The following TRPS1 variants were observed in gnomAD, a reference collection of about 807,000 sequenced individuals.
TRPS1 encodes the protein zinc finger transcription factor Trps1.
In TRPS1, 6 loss-of-function variants were observed where a neutral mutation model predicts 101.2. The observed-to-expected ratio is 0.06, with a 90% CI of 0.03 to 0.12. TRPS1 has a LOEUF of 0.12. TRPS1 is among the 10% of genes least tolerant of loss of function. TRPS1 has a pLI of 1.00. For missense variants in TRPS1, 1,363 were observed against 1,567.0 expected (o/e 0.87, Z 2.20); for synonymous variants, 578 against 589.8 (o/e 0.98, Z 0.29).
At chr8:115,513,185 A>G (rs1356615191) in intron 5 of TRPS1, among the ~76,000 whole-genome samples, 1 of 151,804 alleles carries the variant, frequency 6.6e-6, no homozygotes, top group Admixed American at 6.6e-5. Context: ...TGTAAATATA[A>G]TGTAACTAAC....
chr8:115,425,240 T>A (rs800891), intron 5 of TRPS1, among the ~76,000 whole-genome samples: 123,804 of 152,178 alleles, frequency 0.81, 50,675 homozygotes, highest in African/African-American at 0.9. Flanking sequence ...TGGGCTGTAC[T>A]GCATGTCTTT....
At chr8:115,522,143 G>T (rs570706867) in intron 5 of TRPS1, among the ~76,000 whole-genome samples, 233 of 152,010 alleles carry the variant, frequency 1.5e-3, no homozygotes, top group Non-Finnish European at 2.8e-3. Flanking sequence ...GTAAGATAGG[G>T]TATTGACAAA....
At chr8:115,646,774 T>C (rs151306277) in intron 1 of TRPS1, among the ~76,000 whole-genome samples, 337 of 152,342 alleles carry the variant, frequency 2.2e-3, no homozygotes, top group African/African-American at 7.7e-3. Flanking sequence ...GTATTATTTT[T>C]ATCATAAGGT....
chr8:115,525,708 T>C (rs978142361), intron 5 of TRPS1, among the ~76,000 whole-genome samples: 1 of 152,190 alleles, frequency 6.6e-6, no homozygotes, highest in Admixed American at 6.6e-5. Flanking sequence ...TTTTATATTG[T>C]CTTCACAGCT....
intron 1 of TRPS1, among the ~76,000 whole-genome samples, chr8:115,660,265 G>A (rs2130627143): frequency 6.6e-6 from 1 of 152,090 alleles, no homozygotes; most frequent in Admixed American, 6.6e-5. Flanking sequence ...TATTATTAAT[G>A]TTTATTGATT....
chr8:115,488,916 A>C (rs1403507825), intron 5 of TRPS1, among the ~76,000 whole-genome samples: 1 of 152,198 alleles, frequency 6.6e-6, no homozygotes, highest in Non-Finnish European at 1.5e-5. Context: ...CAATACTTTC[A>C]AAACGTTCTC....
chr8:115,597,664 T>C (rs1016866033), intron 4 of TRPS1, among the ~76,000 whole-genome samples: 3 of 152,114 alleles, frequency 2.0e-5, no homozygotes, highest in African/African-American at 7.2e-5. Flanking sequence ...TAAAACTTTA[T>C]CATTGTGAGT....
At chr8:115,452,946 C>CAAATCAAATCA (rs1813914860) in intron 5 of TRPS1, among the ~76,000 whole-genome samples, 1 of 151,944 alleles carries the variant, frequency 6.6e-6, no homozygotes, top group Non-Finnish European at 1.5e-5. Context: ...TAATATCAAA[C>CAAATCAAATCA]AGAGCAAAAT....
At chr8:115,524,151 A>G (rs1361591341) in intron 5 of TRPS1, among the ~76,000 whole-genome samples, 1 of 152,034 alleles carries the variant, frequency 6.6e-6, no homozygotes, top group Non-Finnish European at 1.5e-5. Flanking sequence ...TTACTTCCCC[A>G]TCTAGATGCT....
intron 6 of TRPS1, among the ~76,000 whole-genome samples, chr8:115,417,511 A>T (rs1328387498): frequency 1.3e-5 from 2 of 152,086 alleles, no homozygotes; most frequent in African/African-American, 4.8e-5. Context: ...TAAATGGGGG[A>T]TGCCTATTTT....
In TRPS1 at chr8:115,414,128, T is replaced by C; in HGVS notation, c.3780A>G (p.Ile1260Met). The change falls in exon 7 of 7, where the codon ATA (isoleucine) becomes ATG (methionine). Residue 1260 changes from isoleucine to methionine, a missense_variant. This residue lies in a region of TRPS1 where 307 missense variants were observed against 392.4 expected (regional missense o/e 0.78). Coordinates refer to ENST00000395715, the MANE Select transcript of TRPS1 (RefSeq NM_014112.5). This position sits in a 1 kb window ranked among gnomAD's most constrained non-coding sequence, Gnocchi z 4.8. ...ATTTGTCCGTGCAAAGATGCTGGCA[T>C]ATGCTGCACTGGAAAGGTCCACTGT... ...HGDSGPFQCS[I>M]CQHLCTDKYD... 2 of 1,614,040 alleles carry C rather than the reference T, an allele frequency of 1.2e-6. No individual in the cohort carries two copies. The highest frequency in any genetic ancestry group is 1.7e-6 in the Non-Finnish European group (2 of 1,179,924).
intron 1 of TRPS1, among the ~76,000 whole-genome samples, chr8:115,661,220 T>C (rs992163613): frequency 3.9e-5 from 6 of 152,036 alleles, no homozygotes; most frequent in African/African-American, 1.4e-4. Flanking sequence ...ATAAGTATTA[T>C]GATAACAATT....
intron 5 of TRPS1, among the ~76,000 whole-genome samples, chr8:115,559,208 T>C (rs1209501852): frequency 6.6e-6 from 1 of 152,170 alleles, no homozygotes; most frequent in Non-Finnish European, 1.5e-5. Context: ...TTAATAAAAA[T>C]GCCATATTTA....
At chr8:115,658,935 C>A (rs1586503362) in intron 1 of TRPS1, among the ~76,000 whole-genome samples, 1 of 152,034 alleles carries the variant, frequency 6.6e-6, no homozygotes, top group Non-Finnish European at 1.5e-5. Flanking sequence ...TTACTGGCAG[C>A]TTTCTTAAAG....
intron 5 of TRPS1, among the ~76,000 whole-genome samples, chr8:115,494,908 A>G (rs1815111604): frequency 6.6e-6 from 1 of 152,162 alleles, no homozygotes; most frequent in South Asian, 2.1e-4. Context: ...AAGGTGAAAT[A>G]CCTTTTCATC....
chr8:115,544,326 T>C (rs1466311191), intron 5 of TRPS1, among the ~76,000 whole-genome samples: 1 of 151,766 alleles, frequency 6.6e-6, no homozygotes, highest in Non-Finnish European at 1.5e-5. Context: ...TTTAGTAAGT[T>C]AATGTATAAA....
At chr8:115,533,436 G>GTTTTTTTTTTTTCTTTTTTTTTTTTT (rs1816189088) in intron 5 of TRPS1, among the ~76,000 whole-genome samples, 1 of 34,986 alleles carries the variant, frequency 2.9e-5, no homozygotes, top group Non-Finnish European at 5.3e-5. Flanking sequence ...CATGTAATCT[G>GTTTTTTTTTTTTCTTTTTTTTTTTTT]TTTTTTTTTT....
rs1180627 is a variant in TRPS1 at position 115,414,793 on chromosome 8, G to A, written c.3115C>T (p.Leu1039=). ...GGTTGCATCCTTTTGTGAATATCCA[G>A]AGTTTGGCTGACCAGGACTGGCTGC... The part of the protein sequence containing the change: ...AQQPVLVSQT[L]DIHKRMQPLH... The change falls in exon 7 of 7, where the codon CTG becomes TTG. Residue 1039 remains leucine, a synonymous_variant. Transcript: ENST00000395715. The surrounding 1 kb of genome is among the most constrained non-coding windows in gnomAD (Gnocchi z 4.8). 1.2e-6 allele frequency: 2 copies of A among 1,613,900 alleles called. No homozygotes were observed. The highest frequency in any genetic ancestry group is 1.7e-6 in the Non-Finnish European group (2 of 1,179,952).
intron 1 of TRPS1, among the ~76,000 whole-genome samples, chr8:115,636,639 CGT>C (rs1447966000): frequency 6.6e-6 from 1 of 152,124 alleles, no homozygotes; most frequent in Non-Finnish European, 1.5e-5. Flanking sequence ...CTTGGCTGGG[CGT>C]GGTGGCTCAC....
Sources: allele counts gnomAD v4.1 joint callset (sites outside exome capture counted in the v4.1 genomes callset), GRCh38; gene constraint gnomAD v4.1.1; regional missense constraint gnomAD v4.1.1; non-coding constraint Gnocchi (gnomAD v3.1); transcripts MANE v1.5; gene names NCBI Gene and HGNC (gene_info 2026-07-23, HGNC 2026-07-21).